The following METTL14 variants were observed in gnomAD, a reference collection of about 807,000 sequenced individuals.
METTL14 encodes N(6)-adenosine-methyltransferase non-catalytic subunit METTL14.
In METTL14, 32 loss-of-function variants were observed where a neutral mutation model predicts 62.4. That is an observed-to-expected ratio of 0.51 (90% CI 0.39 to 0.69). The LOEUF (loss-of-function observed/expected upper bound fraction) is 0.69, where lower values mean the gene tolerates loss of function less well. METTL14 is among the 30% of genes least tolerant of loss of function. The pLI is 0.00. For synonymous variants in METTL14, 150 were observed against 180.0 expected, an observed-to-expected ratio of 0.83 and a Z score of 1.34; for missense variants, 340 against 551.9, an observed-to-expected ratio of 0.62 and a Z score of 3.85.
rs370370248 is a variant in METTL14, at chr4:118,697,195, G to T, written c.517G>T (p.Asp173Tyr). ...TTAATCAAATAGGTACTTACAAGCC[G>T]ATATAGAAGCCTTTGACATCAGAGA... is the stretch of plus-strand genomic sequence containing the variant. ...SNTPPMYLQA[D>Y]IEAFDIRELT... Residue 173 changes from aspartate (D) to tyrosine (Y), a missense_variant, in exon 7 of 11, where the codon GAT (aspartate) becomes TAT (tyrosine). Asp to Tyr is a radical substitution (Grantham distance 160). Transcript: ENST00000388822. 3.0e-5 allele frequency: 48 copies of T among 1,599,712 alleles called. No individual in the cohort carries two copies. The highest frequency in any genetic ancestry group is 4.0e-5 in the Non-Finnish European group (47 of 1,175,864).
At chr4:118,699,948 G>A (rs1341734953) in intron 7 of METTL14, among the ~76,000 whole-genome samples, 2 of 151,950 alleles carry the variant, frequency 1.3e-5, no homozygotes, top group Non-Finnish European at 2.9e-5. Context: ...TTAGAGAGTC[G>A]GTAGTGGTCA....
intron 3 of METTL14, among the ~76,000 whole-genome samples, chr4:118,690,677 CAAAA>C (rs1046821905): frequency 2.7e-5 from 2 of 74,954 alleles, no homozygotes; most frequent in Non-Finnish European, 5.1e-5. Flanking sequence ...GACTCTGTCT[CAAAA>C]AAAAAAAAAA....
chr4:118,697,066 A>G, intron 6 of METTL14, 116 bp from the exon 7 acceptor site: 1 of 731,370 alleles, frequency 1.4e-6, no homozygotes, highest in Non-Finnish European at 2.1e-6. Flanking sequence ...GTGTTTAGTA[A>G]TAATGTTTAG....
chr4:118,702,081 C>G, intron 8 of METTL14, among the ~76,000 whole-genome samples: 1 of 151,066 alleles, frequency 6.6e-6, no homozygotes, highest in East Asian at 1.9e-4. Flanking sequence ...TCCTTTCATT[C>G]CCCAAATTAG....
At chr4:118,707,774 A>G (rs1724799271) in intron 10 of METTL14, among the ~76,000 whole-genome samples, 2 of 151,870 alleles carry the variant, frequency 1.3e-5, no homozygotes, top group African/African-American at 2.4e-5. Flanking sequence ...AATACAATTT[A>G]CCATTGCTTT....
At chr4:118,699,954 G>T (rs1358960896) in intron 7 of METTL14, among the ~76,000 whole-genome samples, 1 of 151,972 alleles carries the variant, frequency 6.6e-6, no homozygotes, top group Non-Finnish European at 1.5e-5. Context: ...AGTCGGTAGT[G>T]GTCATTGTGT....
At chr4:118,689,310 A>G in intron 2 of METTL14, 60 bp from the exon 3 acceptor site, 1 of 840,712 alleles carries the variant, frequency 1.2e-6, no homozygotes, top group Non-Finnish European at 1.8e-6. Flanking sequence ...TATTATTATT[A>G]ATAGATGCAT....
In METTL14 at chr4:118,700,532, C is replaced by A; in HGVS notation, c.646-18C>A. 1.9e-6 allele frequency: 3 copies of A among 1,582,364 alleles called. No homozygotes were observed. The highest frequency in any genetic ancestry group is 2.6e-6 in the Non-Finnish European group (3 of 1,154,220). On this transcript the variant is annotated intron_variant, in intron 7 of 10. Coordinates refer to ENST00000388822, the MANE Select transcript of METTL14 (RefSeq NM_020961.4). ...GAAACAAAATACTTTTATGCAATAT[C>A]GTTTTGATTTCTTACAGATTATGAA...
At chr4:118,697,071 G>GT (rs1334792303) in intron 6 of METTL14, 111 bp from the exon 7 acceptor site, 1 of 772,816 alleles carries the variant, frequency 1.3e-6, no homozygotes, top group Non-Finnish European at 2.0e-6. Flanking sequence ...TAGTAATAAT[G>GT]TTTAGTGATA....
intron 5 of METTL14, among the ~76,000 whole-genome samples, 154 bp downstream of exon 5, chr4:118,692,222 TTTTC>T (rs1251570437): frequency 4.4e-5 from 6 of 136,462 alleles, no homozygotes; most frequent in African/African-American, 1.6e-4. Flanking sequence ...TTTTCTTTTC[TTTTC>T]TTTTTTTTTT....
chr4:118,701,105 G>T (rs1724574015), intron 8 of METTL14, among the ~76,000 whole-genome samples: 1 of 151,476 alleles, frequency 6.6e-6, no homozygotes, highest in Non-Finnish European at 1.5e-5. Context: ...TATAATACCT[G>T]AACTTATTTT....
rs763636974 is a variant in METTL14, at chr4:118,685,564, G to A, written c.30G>A (p.Glu10=). The change falls in exon 1 of 11, where the codon GAG becomes GAA. Residue 10 remains glutamate (E), a synonymous_variant. Coordinates refer to ENST00000388822, the MANE Select transcript of METTL14 (RefSeq NM_020961.4). Reference sequence around the variant, plus strand: ...ATAGCCGCTTGCAGGAGATCCGGGAGCGGCAGAAGTTACGGCGACAGCTCC... The same window carrying A: ...ATAGCCGCTTGCAGGAGATCCGGGAACGGCAGAAGTTACGGCGACAGCTCC... MDSRLQEIR[E]RQKLRRQLLA... 7.4e-6 allele frequency: 12 copies of A among 1,614,144 alleles called. No homozygotes were observed. The South Asian group carries it at 1.2e-4, about 16-fold the overall frequency.
chr4:118,699,335 C>T (rs1386476501), intron 7 of METTL14, among the ~76,000 whole-genome samples: 1 of 152,008 alleles, frequency 6.6e-6, no homozygotes, highest in East Asian at 1.9e-4. Context: ...AAAAGTTTTT[C>T]CCCTTCCCTG....
At chr4:118,695,887 G>A (rs1724393690) in intron 6 of METTL14, among the ~76,000 whole-genome samples, 3 of 151,844 alleles carry the variant, frequency 2.0e-5, no homozygotes, top group Non-Finnish European at 4.4e-5. Context: ...TGAGGTGGGC[G>A]GATCATTAGA....
intron 6 of METTL14, among the ~76,000 whole-genome samples, 196 bp from the exon 7 acceptor site, chr4:118,696,986 T>C (rs1344652806): frequency 6.6e-6 from 1 of 152,110 alleles, no homozygotes; most frequent in Non-Finnish European, 1.5e-5. Context: ...ATCGTTTAAG[T>C]CTATACTGAA....
intron 2 of METTL14, 88 bp downstream of exon 2, chr4:118,688,099 G>C (rs997664768): frequency 6.7e-6 from 7 of 1,044,160 alleles, no homozygotes; most frequent in Non-Finnish European, 9.9e-6. Flanking sequence ...ACAGTAGCAT[G>C]ATTATGGCTC....
At chr4:118,693,576 G>A (rs1001678520) in intron 5 of METTL14, among the ~76,000 whole-genome samples, 2 of 152,118 alleles carry the variant, frequency 1.3e-5, no homozygotes, top group Admixed American at 6.5e-5. Flanking sequence ...TCTTGAAGTA[G>A]AGAAACTAAT....
intron 7 of METTL14, among the ~76,000 whole-genome samples, chr4:118,697,628 A>G (rs1395867594): frequency 6.6e-6 from 1 of 152,170 alleles, no homozygotes; most frequent in Non-Finnish European, 1.5e-5. Flanking sequence ...AGATGGAATG[A>G]TTCATAATTC....
chr4:118,685,622 T>G, intron 1 of METTL14, 22 bp downstream of exon 1: 1 of 1,612,102 alleles, frequency 6.2e-7, no homozygotes. Context: ...TGGTGTCCCC[T>G]GTGGGAGGGA....
Sources: gnomAD v4.1 joint callset for allele counts (sites outside exome capture counted in the v4.1 genomes callset) on GRCh38, gnomAD v4.1.1 for gene constraint, MANE v1.5 for transcripts, NCBI Gene and HGNC (gene_info 2026-07-23, HGNC 2026-07-21) for gene names.